The following ADGRV1 variants were observed in gnomAD, a reference collection of about 807,000 sequenced individuals.
ADGRV1 encodes adhesion G protein-coupled receptor V1.
Under a neutral mutation model 596.2 loss-of-function variants are expected in ADGRV1, and 359 were observed. That is an observed-to-expected ratio of 0.60 (90% CI 0.55 to 0.66). ADGRV1 has a LOEUF of 0.66. Among genes scored for constraint, ADGRV1 ranks in the 30% least tolerant of loss-of-function variants. The pLI, the probability that ADGRV1 is intolerant of heterozygous loss-of-function variation, is 0.00. For synonymous variants in ADGRV1, 2,681 were observed against 2,679.2 expected (o/e 1.00, Z -0.02); for missense variants, 7,274 against 7,575.6 (o/e 0.96, Z 1.48).
intron 83 of ADGRV1, among the ~76,000 whole-genome samples, chr5:90,864,742 G>C (rs1767929325): frequency 6.6e-6 from 1 of 152,054 alleles, no homozygotes; most frequent in South Asian, 2.1e-4. Flanking sequence ...CAGGCAGAAA[G>C]AATATTCTAT....
chr5:90,887,010 TTG>T (rs1770363976), intron 83 of ADGRV1, among the ~76,000 whole-genome samples: 1 of 152,200 alleles, frequency 6.6e-6, no homozygotes, highest in African/African-American at 2.4e-5. Flanking sequence ...CTCAACCAGT[TTG>T]CTCTCTAGTT....
chr5:90,574,214 T>C (rs1054782254), intron 1 of ADGRV1, among the ~76,000 whole-genome samples: 5 of 152,028 alleles, frequency 3.3e-5, no homozygotes, highest in African/African-American at 1.2e-4. Flanking sequence ...GGTAGTTTGA[T>C]AGGAATCGCA....
chr5:90,815,674 A>C lies in ADGRV1; in HGVS notation c.16134A>C (p.Leu5378=). 6.3e-7 allele frequency: 1 copy of C among 1,580,744 alleles called. No homozygotes were observed. The highest frequency in any genetic ancestry group is 8.6e-7 in the Non-Finnish European group (1 of 1,162,296). Residue 5378 remains leucine (L), a synonymous_variant, in exon 75 of 90, where the codon CTA becomes CTC. Transcript: ENST00000405460. ...TCAGTGAGGAGTCCCAGAGTGGACT[A>C]GAACTCAGGGAAGGAGCTGTTATGA... is the stretch of plus-strand genomic sequence containing the variant. ...IGFSEESQSG[L]ELREGAVMRR... is the part of the protein sequence containing the mutation.
At chr5:90,668,810 C>G (rs1771997991) in intron 21 of ADGRV1, among the ~76,000 whole-genome samples, 1 of 152,024 alleles carries the variant, frequency 6.6e-6, no homozygotes, top group Non-Finnish European at 1.5e-5. Flanking sequence ...TGAAAATATT[C>G]AGGAAGCTAT....
At chr5:90,801,810 T>C (rs1761405709) in intron 70 of ADGRV1, among the ~76,000 whole-genome samples, 1 of 152,208 alleles carries the variant, frequency 6.6e-6, no homozygotes, top group Admixed American at 6.5e-5. Flanking sequence ...AACGTTTCTA[T>C]GGGAAAATGT....
intron 89 of ADGRV1, among the ~76,000 whole-genome samples, chr5:91,159,011 A>C (rs1796721599): frequency 6.6e-6 from 1 of 152,176 alleles, no homozygotes; most frequent in Non-Finnish European, 1.5e-5. Context: ...GTTAGGAATA[A>C]TGTTCAGATA....
At chr5:90,909,659 A>C (rs929355080) in intron 83 of ADGRV1, among the ~76,000 whole-genome samples, 1 of 152,050 alleles carries the variant, frequency 6.6e-6, no homozygotes, top group Non-Finnish European at 1.5e-5. Flanking sequence ...GAGAGAGATA[A>C]AGCTAGGCTG....
chr5:90,610,385 A>G (rs1042579470), intron 1 of ADGRV1, among the ~76,000 whole-genome samples: 3 of 151,980 alleles, frequency 2.0e-5, no homozygotes, highest in Admixed American at 6.6e-5. Flanking sequence ...GAAGCAAGAT[A>G]TTGGGGTTCC....
chr5:91,028,743 T>TTTC (rs1554200333), intron 85 of ADGRV1, among the ~76,000 whole-genome samples: 2 of 146,828 alleles, frequency 1.4e-5, no homozygotes, highest in African/African-American at 5.0e-5. Flanking sequence ...TTTTTTTTTT[T>TTTC]TTTTTTTTTT....
intron 83 of ADGRV1, among the ~76,000 whole-genome samples, chr5:90,960,557 T>C (rs536489982): frequency 6.6e-6 from 1 of 152,288 alleles, no homozygotes; most frequent in African/African-American, 2.4e-5. Flanking sequence ...GAAAAATTAT[T>C]ACAATAAAAT....
At chr5:90,632,060 C>T (rs1320376775) in intron 9 of ADGRV1, among the ~76,000 whole-genome samples, 1 of 145,398 alleles carries the variant, frequency 6.9e-6, no homozygotes, top group African/African-American at 2.6e-5. Context: ...GACATTAGCA[C>T]TTGTTTGTCT....
chr5:90,722,716 CAAAAAAAAAAAAAAAAAAAAAAA>C (rs55761821), intron 45 of ADGRV1, among the ~76,000 whole-genome samples: 16 of 32,902 alleles, frequency 4.9e-4, no homozygotes, highest in African/African-American at 9.8e-4. Context: ...AACTCCGTCT[CAAAAAAAAAAAAAAAAAAAAAAA>C]AAAAAAAAAA....
At chr5:90,968,566 C>A (rs1421674833) in intron 84 of ADGRV1, among the ~76,000 whole-genome samples, 2 of 152,182 alleles carry the variant, frequency 1.3e-5, no homozygotes, top group East Asian at 3.9e-4. Flanking sequence ...ACACATTTTT[C>A]ATGGTTTGTG....
At chr5:91,111,395 G>A (rs568281052) in intron 87 of ADGRV1, among the ~76,000 whole-genome samples, 4 of 152,212 alleles carry the variant, frequency 2.6e-5, no homozygotes, top group African/African-American at 4.8e-5. Flanking sequence ...GAAATGGAAC[G>A]TATTTCTTTG....
chr5:90,900,629 C>T (rs1405344342), intron 83 of ADGRV1, among the ~76,000 whole-genome samples: 1 of 152,118 alleles, frequency 6.6e-6, no homozygotes, highest in African/African-American at 2.4e-5. Context: ...CATTTCTTTG[C>T]CGCAACTATA....
chr5:90,640,016 G>C (rs960933491), intron 11 of ADGRV1, among the ~76,000 whole-genome samples: 1 of 152,012 alleles, frequency 6.6e-6, no homozygotes, highest in African/African-American at 2.4e-5. Context: ...AAAAACTTGT[G>C]GTGCTTTCAA....
At position 90,711,304 on chromosome 5, in the gene ADGRV1, T is replaced by C; in HGVS notation, c.9024T>C (p.Asp3008=). 6.2e-7 allele frequency: 1 copy of C among 1,611,030 alleles called. No homozygotes were observed. Among genetic ancestry groups the C allele is most frequent in the South Asian group, 1.1e-5 (1 of 90,054 alleles). Residue 3008 remains aspartate (D), a synonymous_variant, in exon 41 of 90, where the codon GAT becomes GAC. Transcript: ENST00000405460. ...AQNLEAQVGL[D]YIFTPMILHF... ...ATTTGGAAGCACAAGTGGGGCTGGA[T>C]TATATCTTCACCCCAATGGTGGGTC...
intron 65 of ADGRV1, among the ~76,000 whole-genome samples, chr5:90,782,850 G>A (rs1759001243): frequency 7.1e-6 from 1 of 141,582 alleles, no homozygotes; most frequent in South Asian, 2.1e-4. Context: ...TTTTTATGTA[G>A]TACACAGGGA....
At chr5:91,158,428 TGG>T (rs762362925) in intron 89 of ADGRV1, among the ~76,000 whole-genome samples, 6 of 152,182 alleles carry the variant, frequency 3.9e-5, no homozygotes, top group Non-Finnish European at 8.8e-5. Flanking sequence ...ACCTACAAGG[TGG>T]AAAAAAGTTC....
Sources: allele counts gnomAD v4.1 joint callset (sites outside exome capture counted in the v4.1 genomes callset), GRCh38; gene constraint gnomAD v4.1.1; transcripts MANE v1.5; gene names NCBI Gene and HGNC (gene_info 2026-07-23, HGNC 2026-07-21).